Variants in PTPRN2 observed in about 807,000 individuals in gnomAD.
PTPRN2 encodes the protein receptor-type tyrosine-protein phosphatase N2.
A neutral mutation model predicts 118.8 loss-of-function variants in PTPRN2; 74 were observed. The ratio of observed to expected loss-of-function variants is 0.62; its 90% confidence interval spans 0.52 to 0.76. The LOEUF (loss-of-function observed/expected upper bound fraction) is 0.76. Among genes scored for constraint, PTPRN2 ranks in the 30% least tolerant of loss-of-function variants. PTPRN2 has a pLI of 0.00. For missense variants in PTPRN2, 1,481 were observed against 1,394.4 expected (o/e 1.06, Z -0.99); for synonymous variants, 641 against 608.0 (o/e 1.05, Z -0.80).
intron 20 of PTPRN2, 105 bp from the exon 21 acceptor site, chr7:157,569,071 G>A: frequency 9.1e-7 from 1 of 1,096,398 alleles, no homozygotes; most frequent in South Asian, 1.3e-5. Flanking sequence ...GGGGGCCGGC[G>A]AGAGGAAAGG....
intron 13 of PTPRN2, among the ~76,000 whole-genome samples, 179 bp from the exon 14 acceptor site, chr7:157,656,730 C>A (rs557001720): frequency 8.5e-5 from 13 of 152,056 alleles, no homozygotes; most frequent in Admixed American, 5.2e-4. Flanking sequence ...CCCCAAAGCA[C>A]GCGCCCAGCA....
chr7:157,843,040 G>A (rs539698554), intron 12 of PTPRN2, among the ~76,000 whole-genome samples: 65 of 152,206 alleles, frequency 4.3e-4, no homozygotes, highest in Middle Eastern at 3.4e-3. Context: ...TGAAAACCAC[G>A]ACTTTTCCCC....
At chr7:157,673,901 G>C (rs1475408593) in intron 13 of PTPRN2, among the ~76,000 whole-genome samples, 1 of 152,178 alleles carries the variant, frequency 6.6e-6, no homozygotes, top group Admixed American at 6.5e-5. Flanking sequence ...CTTCACAAAG[G>C]CAGACTGGGC....
intron 2 of PTPRN2, among the ~76,000 whole-genome samples, chr7:158,323,055 A>G (rs1341278964): frequency 6.6e-6 from 1 of 152,200 alleles, no homozygotes; most frequent in Admixed American, 6.5e-5. Flanking sequence ...CCATGCACAG[A>G]CAGGCTTGTG....
chr7:158,318,593 C>T (rs1324684188), intron 2 of PTPRN2, among the ~76,000 whole-genome samples: 1 of 152,198 alleles, frequency 6.6e-6, no homozygotes, highest in Admixed American at 6.5e-5. Context: ...ATCCCTGAGG[C>T]CAGGGAGGCT....
intron 2 of PTPRN2, among the ~76,000 whole-genome samples, chr7:158,465,582 G>A (rs1819330349): frequency 6.6e-6 from 1 of 152,154 alleles, no homozygotes. Context: ...AGGCATTATT[G>A]CTATGCTTAC....
At chr7:158,523,696 AGTGGAGTCGTCTG>A (rs1824472517) in intron 1 of PTPRN2, among the ~76,000 whole-genome samples, 1 of 134,294 alleles carries the variant, frequency 7.4e-6, no homozygotes, top group African/African-American at 2.9e-5. Context: ...TCTGCCCTGG[AGTGGAGTCGTCTG>A]CCCTGGAGTG....
chr7:158,260,477 G>A (rs771978562), intron 3 of PTPRN2, among the ~76,000 whole-genome samples: 14 of 152,104 alleles, frequency 9.2e-5, no homozygotes, highest in Admixed American at 2.6e-4. Flanking sequence ...AGACACAACC[G>A]GATACGACTT....
intron 2 of PTPRN2, among the ~76,000 whole-genome samples, chr7:158,431,129 T>C (rs1034069729): frequency 6.6e-6 from 1 of 152,210 alleles, no homozygotes; most frequent in Non-Finnish European, 1.5e-5. Context: ...TCTGAATGTT[T>C]TCAGTGACAG....
At chr7:157,600,308 T>C (rs1036815043) in intron 16 of PTPRN2, among the ~76,000 whole-genome samples, 1 of 152,248 alleles carries the variant, frequency 6.6e-6, no homozygotes, top group Non-Finnish European at 1.5e-5. Context: ...TAAAGCAAAT[T>C]GCATGAAACG....
chr7:158,282,458 C>T (rs975616513), intron 3 of PTPRN2, among the ~76,000 whole-genome samples: 34 of 152,202 alleles, frequency 2.2e-4, no homozygotes, highest in African/African-American at 8.2e-4. Context: ...AGGAGTCTGG[C>T]CTGGCTCAGA....
chr7:158,187,211 C>T (rs540212090), intron 5 of PTPRN2, among the ~76,000 whole-genome samples: 1 of 152,282 alleles, frequency 6.6e-6, no homozygotes, highest in South Asian at 2.1e-4. Context: ...ATTATATTCC[C>T]AGTGGAATAA....
chr7:158,050,110 G>A (rs1809215612), intron 11 of PTPRN2, among the ~76,000 whole-genome samples: 1 of 152,170 alleles, frequency 6.6e-6, no homozygotes, highest in Admixed American at 6.5e-5. Flanking sequence ...TAACAAGCGT[G>A]TTCCTGAAAA....
At chr7:158,077,006 A>G (rs1394541300) in intron 11 of PTPRN2, among the ~76,000 whole-genome samples, 2 of 152,252 alleles carry the variant, frequency 1.3e-5, no homozygotes, top group African/African-American at 2.4e-5. Context: ...AGTATGTGTT[A>G]TAAAGGAATT....
At chr7:158,150,994 C>T (rs923149938) in intron 6 of PTPRN2, among the ~76,000 whole-genome samples, 2 of 152,018 alleles carry the variant, frequency 1.3e-5, no homozygotes, top group South Asian at 2.1e-4. Context: ...CCTCTCAGCA[C>T]CTCATGCTGC....
At chr7:157,655,588 G>C (rs1806018649) in intron 14 of PTPRN2, among the ~76,000 whole-genome samples, 1 of 152,228 alleles carries the variant, frequency 6.6e-6, no homozygotes, top group African/African-American at 2.4e-5. Context: ...TGCAGCCGCT[G>C]CTTCGGCCAA....
chr7:158,202,367 G>A (rs576074616), intron 4 of PTPRN2, among the ~76,000 whole-genome samples: 5 of 152,154 alleles, frequency 3.3e-5, no homozygotes, highest in Non-Finnish European at 5.9e-5. Flanking sequence ...TCAGAGTCGG[G>A]CATGAGGAAG....
intron 2 of PTPRN2, among the ~76,000 whole-genome samples, chr7:158,331,134 T>A (rs371011944): frequency 7.7e-6 from 1 of 130,580 alleles, no homozygotes; most frequent in Admixed American, 7.7e-5. Flanking sequence ...CCATAAGAGC[T>A]GACGCCCGCA....
At chr7:157,748,724 C>T (rs200327417) in intron 12 of PTPRN2, among the ~76,000 whole-genome samples, 858 of 97,292 alleles carry the variant, frequency 8.8e-3, no homozygotes, top group Admixed American at 0.019. Context: ...CTGAGGCCTG[C>T]GTCCCTGAGC....
Sources: gnomAD v4.1 joint callset for allele counts (sites outside exome capture counted in the v4.1 genomes callset) on GRCh38, gnomAD v4.1.1 for gene constraint, MANE v1.5 for transcripts, NCBI Gene and HGNC (gene_info 2026-07-23, HGNC 2026-07-21) for gene names.